Variants in DCTN1 observed in about 807,000 individuals in gnomAD.
DCTN1 encodes dynactin subunit 1, also known as 150 kDa dynein-associated polypeptide.
Under a neutral mutation model 161.2 loss-of-function variants are expected in DCTN1, and 61 were observed. The observed-to-expected ratio is 0.38, with a 90% CI of 0.31 to 0.47. DCTN1 has a LOEUF of 0.47. Ranked by LOEUF, DCTN1 falls within the 20% of genes least tolerant of loss-of-function variation. The pLI is 0.99. For missense variants in DCTN1, 1,404 were observed against 1,623.7 expected (o/e 0.86, Z 2.33); for synonymous variants, 653 against 632.4 (o/e 1.03, Z -0.49).
Position 74,366,478 on chromosome 2 carries a change from G to A in DCTN1, c.2609C>T (p.Ala870Val), listed in dbSNP as rs752024041. ...GCCCACCTGCTCGCTTGCTTTGAAA[G>A]CCAGTTCCTCCAGAGCAGCCACAAG... The part of the protein sequence containing the change: ...GLLVAALEEL[A>V]FKASEQIYGT... Residue 870 changes from alanine to valine, a missense_variant, in exon 22 of 32, where the codon GCT becomes GTT. By Grantham distance (64) the Ala-to-Val change is moderately conservative. Transcript: ENST00000628224. 2 of 1,614,198 alleles carry A rather than the reference G, an allele frequency of 1.2e-6. No individual in the cohort carries two copies. The highest frequency in any genetic ancestry group is 1.7e-6 in the Non-Finnish European group (2 of 1,180,022).
upstream of DCTN1, among the ~76,000 whole-genome samples, chr2:74,380,962 T>C (rs1211890148): frequency 2.6e-5 from 4 of 152,230 alleles, no homozygotes; most frequent in African/African-American, 9.6e-5. Flanking sequence ...TTTCTTCTTG[T>C]AGCACAAGGC....
chr2:74,363,566 C>T, intron 27 of DCTN1, 48 bp downstream of exon 27: 1 of 1,610,234 alleles, frequency 6.2e-7, no homozygotes, highest in Non-Finnish European at 8.5e-7. Flanking sequence ...GCTCCCTTAG[C>T]TCCAACTCCC....
At chr2:74,368,200 GT>G in intron 16 of DCTN1, 69 bp from the exon 17 acceptor site, 1 of 1,543,976 alleles carries the variant, frequency 6.5e-7, no homozygotes, top group Non-Finnish European at 8.8e-7. Flanking sequence ...CAGGAATATA[GT>G]ACTCAGAGCT....
At chr2:74,368,182 CAG>C (rs1480288515) in intron 16 of DCTN1, 51 bp from the exon 17 acceptor site, 5 of 1,552,510 alleles carry the variant, frequency 3.2e-6, no homozygotes, top group Non-Finnish European at 4.4e-6. Flanking sequence ...GGATGGAGAA[CAG>C]AGACTCAGGA....
Position 74,367,071 on chromosome 2 carries a change from C to T in DCTN1, c.2290G>A (p.Val764Ile), listed in dbSNP as rs753618444. 9 of 1,614,226 alleles carry T rather than the reference C, an allele frequency of 5.6e-6. No individual in the cohort carries two copies. Residue 764 changes from valine to isoleucine, a missense_variant, in exon 20 of 32, where the codon GTA becomes ATA. Val to Ile is a conservative substitution (Grantham distance 29). Around this residue, in one of 9 missense-constraint regions of DCTN1, gnomAD observed 475 missense variants for 489.8 expected, o/e 0.97. Transcript: ENST00000628224. ...QSALDCMSVE[V>I]GRLRAFLQGG... ...TGCAAGAAGGCACGCAGCCGTCCTA[C>T]CTCCACACTCATGCAGTCCAGAGCA...
intron 1 of DCTN1, among the ~76,000 whole-genome samples, chr2:74,389,439 T>A (rs1443176312): frequency 1.3e-5 from 2 of 152,148 alleles, no homozygotes; most frequent in African/African-American, 4.8e-5. Flanking sequence ...TCATCTATAA[T>A]CCCTTTCAAC....
At position 74,377,280 on chromosome 2, in the gene DCTN1, A is replaced by G. The variant is rs72659369; in HGVS notation, c.393+152T>C. The G allele has an allele frequency of 8.0e-3, 5,915 of 740,306 alleles. 30 individuals carry two copies. Among genetic ancestry groups the G allele is most frequent in the Non-Finnish European group, 9.3e-3 (3,792 of 408,164 alleles). 45.9% of individuals were successfully genotyped at this position (740,306 alleles called of 1,614,324 possible). On this transcript the variant is annotated intron_variant, in intron 4 of 31. Transcript: ENST00000628224. ...TACTGTAACTCTAACACAGCAATTA[A>G]TCCCCAGAAAGCCTCCTTCTTAGGG...
chr2:74,370,242 G>C lies in DCTN1; in HGVS notation c.1231C>G (p.Arg411Gly). 6.2e-7 allele frequency: 1 copy of C among 1,613,968 alleles called. No homozygotes were observed. The highest frequency in any genetic ancestry group is 8.5e-7 in the Non-Finnish European group (1 of 1,180,044). The change falls in exon 12 of 32, where the codon CGT (arginine) becomes GGT (glycine). Residue 411 changes from arginine (R) to glycine (G), a missense_variant. This residue lies in a region of DCTN1 where 278 missense variants were observed against 363.8 expected (regional missense o/e 0.76). Coordinates refer to ENST00000628224, the MANE Select transcript of DCTN1 (RefSeq NM_004082.5). This position sits in a 1 kb window ranked among gnomAD's most constrained non-coding sequence, Gnocchi z 4.4. ...ELEVVRQQRE[R>G]LQEELSQAES... ...GCCTGGCTTAGCTCCTCCTGCAGACGCTCCCGCTGTTGCCTCACAACTTCC... is the reference window on the plus strand; with the variant it reads ...GCCTGGCTTAGCTCCTCCTGCAGACCCTCCCGCTGTTGCCTCACAACTTCC...
At chr2:74,364,619 A>G (rs59742540) in intron 26 of DCTN1, 4,689 of 262,116 alleles carry the variant, frequency 0.018, 227 homozygotes, top group African/African-American at 0.097. Flanking sequence ...TCAGCAGTGG[A>G]AGATATGACC....
At chr2:74,380,699 AT>A, upstream of DCTN1, 1 of 397,644 alleles carries the variant, frequency 2.5e-6, no homozygotes, top group South Asian at 1.8e-5. Flanking sequence ...TAGGGCCTGG[AT>A]TTCAATCTCA....
Position 74,370,973 on chromosome 2 carries a change from T to G in DCTN1, c.843+6A>C. 6.2e-7 allele frequency: 1 copy of G among 1,613,692 alleles called. No homozygotes were observed. The highest frequency in any genetic ancestry group is 8.5e-7 in the Non-Finnish European group (1 of 1,180,008). On this transcript the variant is annotated splice_donor_region_variant and intron_variant, in intron 9 of 31. Coordinates refer to ENST00000628224, the MANE Select transcript of DCTN1 (RefSeq NM_004082.5). The surrounding 1 kb of genome is among the most constrained non-coding windows in gnomAD (Gnocchi z 4.4). ...CCCCAGCCACCCCCTTCATCCAGAGTCAAACCTTTCTCGCCTCCTTGAGGC... is the reference window on the plus strand; with the variant it reads ...CCCCAGCCACCCCCTTCATCCAGAGGCAAACCTTTCTCGCCTCCTTGAGGC...
chr2:74,379,924 G>A, intron 1 of DCTN1, 81 bp downstream of exon 1: 1 of 1,429,320 alleles, frequency 7.0e-7, no homozygotes, highest in Non-Finnish European at 9.8e-7. Flanking sequence ...TATCTCCCCA[G>A]CCCCCACAGC....
intron 31 of DCTN1, 50 bp downstream of exon 31, chr2:74,362,002 C>T (rs766191911): frequency 9.3e-5 from 148 of 1,585,316 alleles, no homozygotes; most frequent in Non-Finnish European, 1.1e-4. Context: ...GAGGGGGGCC[C>T]GCCTGAGCTC....
chr2:74,375,834 G>A (rs1175203017), intron 5 of DCTN1, among the ~76,000 whole-genome samples: 2 of 152,198 alleles, frequency 1.3e-5, no homozygotes, highest in Admixed American at 6.5e-5. Context: ...CCAGGAGCTG[G>A]TTTCCCCCTG....
At position 74,376,760 on chromosome 2, in the gene DCTN1, C is replaced by G. The variant is rs1335450210; in HGVS notation, c.396G>C (p.Arg132=). 5 of 1,604,576 alleles carry G rather than the reference C, an allele frequency of 3.1e-6. No individual in the cohort carries two copies. In the African/African-American group the frequency reaches 5.3e-5, roughly 17 times the overall value. Residue 132 remains arginine, a splice_region_variant and synonymous_variant, in exon 5 of 32, where the codon CGG becomes CGC. Coordinates refer to ENST00000628224, the MANE Select transcript of DCTN1 (RefSeq NM_004082.5). ...ACACCACCTTCTTAGGCTTCAGTCC[C>G]CGCTGCATGAGGAGTAGGAAAGGGC... ...TDTTAKTSKL[R]GLKPKKAPTA...
intron 21 of DCTN1, 24 bp from the exon 22 acceptor site, chr2:74,366,644 A>T: frequency 6.2e-7 from 1 of 1,612,920 alleles, no homozygotes; most frequent in Non-Finnish European, 8.5e-7. Flanking sequence ...CAGAGTCAGG[A>T]GTCAACCCTG....
In DCTN1 at chr2:74,378,020, T is replaced by C. The variant is rs969750631; in HGVS notation, c.259A>G (p.Ile87Val). Residue 87 changes from isoleucine to valine, a missense_variant, in exon 2 of 32, where the codon ATC becomes GTC. Physicochemically the swap from Ile to Val is conservative, Grantham distance 29. Coordinates refer to ENST00000628224, the MANE Select transcript of DCTN1 (RefSeq NM_004082.5). The part of the protein sequence containing the change: ...KYFTCDEGHG[I>V]FVRQSQIQVF... Reference sequence around the variant, plus strand: ...AATACCTGGGACTGGCGCACAAAGATGCCATGCCCTTCATCACAAGTGAAG... The same window carrying C: ...AATACCTGGGACTGGCGCACAAAGACGCCATGCCCTTCATCACAAGTGAAG... The C allele has an allele frequency of 5.6e-5, 90 of 1,614,156 alleles. No individual in the cohort carries two copies. Among genetic ancestry groups the C allele is most frequent in the Non-Finnish European group, 7.5e-5 (89 of 1,180,048 alleles).
chr2:74,368,655 C>T, intron 16 of DCTN1, 73 bp downstream of exon 16: 3 of 1,607,690 alleles, frequency 1.9e-6, no homozygotes, highest in East Asian at 4.5e-5. Flanking sequence ...GTTGTCTTCA[C>T]TCAGCATCTT....
chr2:74,376,713 C>G (rs1378858135), intron 5 of DCTN1, 29 bp downstream of exon 5: 2 of 1,595,760 alleles, frequency 1.3e-6, no homozygotes, highest in Non-Finnish European at 1.7e-6. Context: ...GGCCCCCATC[C>G]ACCCAGGCAC....
Sources: gnomAD v4.1 joint callset for allele counts (sites outside exome capture counted in the v4.1 genomes callset) on GRCh38, gnomAD v4.1.1 for gene constraint, gnomAD v4.1.1 regional missense constraint, Gnocchi (gnomAD v3.1) non-coding constraint, MANE v1.5 for transcripts, NCBI Gene and HGNC (gene_info 2026-07-23, HGNC 2026-07-21) for gene names.